NRXN1: variants seen among roughly 807,000 people sequenced by gnomAD.
The protein encoded by NRXN1 is neurexin 1.
NRXN1 carries 39 observed loss-of-function variants against 150.9 expected under a neutral mutation model. That is an observed-to-expected ratio of 0.26 (90% CI 0.20 to 0.34). NRXN1 has a LOEUF of 0.34. NRXN1 is among the 10% of genes least tolerant of loss of function. The pLI, the probability that NRXN1 is intolerant of heterozygous loss-of-function variation, is 1.00. For missense variants in NRXN1, 1,815 were observed against 1,949.9 expected (o/e 0.93, Z 1.30); for synonymous variants, 924 against 757.0 (o/e 1.22, Z -3.62).
intron 19 of NRXN1, among the ~76,000 whole-genome samples, chr2:50,074,153 C>A (rs1696711579): frequency 6.6e-6 from 1 of 151,802 alleles, no homozygotes; most frequent in African/African-American, 2.4e-5. Context: ...GCTAAGGGAC[C>A]CCAACACAGT....
chr2:50,039,803 T>C (rs1690639362), intron 21 of NRXN1, among the ~76,000 whole-genome samples: 3 of 152,118 alleles, frequency 2.0e-5, no homozygotes, highest in East Asian at 1.9e-4. Flanking sequence ...GAGTAGCTCA[T>C]GGAAAAACAA....
rs563049682 is a variant in NRXN1 at position 50,579,671 on chromosome 2, A to AT, written c.1321-26647dup. 1.2e-4 allele frequency among the ~76,000 whole-genome samples: 18 copies of AT among 152,240 alleles called. No homozygotes were observed. The East Asian group carries it at 3.5e-3, about 29-fold the overall frequency. On this transcript the variant is annotated intron_variant, in intron 8 of 22. Coordinates refer to ENST00000401669, the MANE Select transcript of NRXN1 (RefSeq NM_001330078.2). ...AATACAAAAATAAAAAAATATATAT[A>AT]TTTTGGAGTGTGAGTGTAGAGGAAG...
intron 18 of NRXN1, among the ~76,000 whole-genome samples, chr2:50,194,056 G>C (rs2061603890): frequency 6.6e-6 from 1 of 152,046 alleles, no homozygotes; most frequent in East Asian, 1.9e-4. Flanking sequence ...TAAGTGACTT[G>C]CCCACCAATT....
intron 21 of NRXN1, among the ~76,000 whole-genome samples, chr2:50,051,009 G>C (rs1692629573): frequency 6.6e-6 from 1 of 151,802 alleles, no homozygotes; most frequent in Non-Finnish European, 1.5e-5. Context: ...TTTTATTTAA[G>C]TCAATATCTC....
At chr2:49,985,491 G>A (rs1433073557) in intron 21 of NRXN1, among the ~76,000 whole-genome samples, 1 of 152,140 alleles carries the variant, frequency 6.6e-6, no homozygotes, top group Non-Finnish European at 1.5e-5. Flanking sequence ...ACTAGATTTT[G>A]CTTGTACTCT....
At position 50,802,932 on chromosome 2, in the gene NRXN1, G is replaced by A. The variant is rs554511306; in HGVS notation, c.832+118937C>T. ...AGACACAAGGAACGATTTCTCTGCA[G>A]ATTTCAGAAGCAGAGTGACCCTGCC... On this transcript the variant is annotated intron_variant, in intron 5 of 22. Coordinates refer to ENST00000401669, the MANE Select transcript of NRXN1 (RefSeq NM_001330078.2). 2.6e-5 allele frequency among the ~76,000 whole-genome samples: 4 copies of A among 152,246 alleles called. No homozygotes were observed. In the South Asian group the frequency reaches 8.3e-4, roughly 32 times the overall value.
chr2:50,529,606 A>G (rs2093045374), intron 11 of NRXN1, among the ~76,000 whole-genome samples: 1 of 152,208 alleles, frequency 6.6e-6, no homozygotes, highest in Admixed American at 6.5e-5. Flanking sequence ...CTGTTTCCAT[A>G]TAGCTGAGTT....
At position 49,958,559 on chromosome 2, in the gene NRXN1, G is replaced by T. The variant is rs181763686; in HGVS notation, c.4129-14768C>A. ...TTCCCTTCGTTATCATTGCTTAGATGCCTACTAATTAAGGACAAGAAAGAA... is the reference window on the plus strand; with the variant it reads ...TTCCCTTCGTTATCATTGCTTAGATTCCTACTAATTAAGGACAAGAAAGAA... On this transcript the variant is annotated intron_variant, in intron 21 of 22. Coordinates refer to ENST00000401669, the MANE Select transcript of NRXN1 (RefSeq NM_001330078.2). 2.3e-4 allele frequency among the ~76,000 whole-genome samples: 35 copies of T among 152,178 alleles called. No individual in the cohort carries two copies. The East Asian group carries it at 6.4e-3, about 28-fold the overall frequency.
intron 21 of NRXN1, among the ~76,000 whole-genome samples, chr2:50,011,263 A>G (rs1282043543): frequency 2.0e-5 from 3 of 152,162 alleles, no homozygotes; most frequent in Non-Finnish European, 4.4e-5. Context: ...TTTTTAACAA[A>G]GATATTAAAC....
chr2:50,664,440 G>GT (rs1355580575), intron 5 of NRXN1, among the ~76,000 whole-genome samples: 381 of 118,384 alleles, frequency 3.2e-3, no homozygotes, highest in African/African-American at 9.1e-3. Flanking sequence ...TGTGTGTGTG[G>GT]CGTGGCGGGG....
At chr2:50,756,978 G>T (rs1457529983) in intron 5 of NRXN1, among the ~76,000 whole-genome samples, 3 of 151,938 alleles carry the variant, frequency 2.0e-5, no homozygotes, top group South Asian at 2.1e-4. Flanking sequence ...TGTGGCTAAA[G>T]AATGCTTTAC....
intron 17 of NRXN1, among the ~76,000 whole-genome samples, chr2:50,401,925 C>T (rs564121408): frequency 1.3e-5 from 2 of 152,180 alleles, no homozygotes; most frequent in Non-Finnish European, 2.9e-5. Context: ...GATTATTTTA[C>T]TCTTAGGGAA....
rs746405298 is a variant in NRXN1 at position 50,739,219 on chromosome 2, C to T, written c.833-115604G>A. The T allele has an allele frequency of 1.6e-5, 8 of 492,400 alleles. No individual in the cohort carries two copies. In the East Asian group the frequency reaches 2.8e-4, roughly 17 times the overall value. 30.5% of individuals were successfully genotyped at this position (492,400 alleles called of 1,614,324 possible). On this transcript the variant is annotated intron_variant, in intron 5 of 22. Transcript: ENST00000401669. ...TTCTGACAGTACAGTAGAAATCGACCAAGGGCACTGGGTTCATTGAGGATA... is the reference window on the plus strand; with the variant it reads ...TTCTGACAGTACAGTAGAAATCGACTAAGGGCACTGGGTTCATTGAGGATA...
At chr2:50,412,212 A>G (rs1572876118) in intron 17 of NRXN1, among the ~76,000 whole-genome samples, 1 of 151,978 alleles carries the variant, frequency 6.6e-6, no homozygotes, top group African/African-American at 2.4e-5. Flanking sequence ...AAAACCAGAG[A>G]CCTTTGTTCA....
chr2:50,446,732 G>A (rs1378355724), intron 17 of NRXN1, among the ~76,000 whole-genome samples: 2 of 152,014 alleles, frequency 1.3e-5, no homozygotes, highest in Middle Eastern at 3.4e-3. Flanking sequence ...TTTAAAAGGG[G>A]AGACACCTAA....
chr2:51,013,773 T>C (rs1268562207), intron 2 of NRXN1, among the ~76,000 whole-genome samples: 1 of 152,036 alleles, frequency 6.6e-6, no homozygotes, highest in Non-Finnish European at 1.5e-5. Flanking sequence ...GTGAATGCTG[T>C]TTTCTCTTTC....
intron 5 of NRXN1, among the ~76,000 whole-genome samples, chr2:50,638,653 TTTG>T (rs1441590125): frequency 4.6e-5 from 7 of 152,296 alleles, no homozygotes; most frequent in African/African-American, 1.7e-4. Context: ...AATTGCTTTT[TTTG>T]TTGTTGTTTT....
chr2:50,200,401 A>G (rs1439579970), intron 18 of NRXN1, among the ~76,000 whole-genome samples: 1 of 152,182 alleles, frequency 6.6e-6, no homozygotes, highest in South Asian at 2.1e-4. Context: ...TAAGACATTA[A>G]TATTTTATCA....
At chr2:50,437,623 G>A (rs2085556125) in intron 17 of NRXN1, among the ~76,000 whole-genome samples, 1 of 152,082 alleles carries the variant, frequency 6.6e-6, no homozygotes, top group East Asian at 1.9e-4. Context: ...AGGAAAAGGT[G>A]GAGGCAAACT....
Sources: gnomAD v4.1 joint callset for allele counts (sites outside exome capture counted in the v4.1 genomes callset) on GRCh38, gnomAD v4.1.1 for gene constraint, MANE v1.5 for transcripts, NCBI Gene and HGNC (gene_info 2026-07-23, HGNC 2026-07-21) for gene names.